FAAH2: variants seen among roughly 807,000 people sequenced by gnomAD.
FAAH2 encodes the protein fatty acid amide hydrolase 2.
In FAAH2, 60 loss-of-function variants were observed where a neutral mutation model predicts 36.9. The observed-to-expected ratio is 1.63, with a 90% CI of 1.32 to 2.02. The LOEUF is 2.02. Ranked by LOEUF, FAAH2 falls within the 30% of genes most tolerant of loss-of-function variation. The pLI, the probability that FAAH2 is intolerant of heterozygous loss-of-function variation, is 0.00. For missense variants in FAAH2, 689 were observed against 397.5 expected (o/e 1.73, Z -6.23); for synonymous variants, 214 against 143.8 (o/e 1.49, Z -3.49).
Position 57,331,786 on chromosome X carries a change from C to CAT in FAAH2, c.604_605dup (p.Val203LeufsTer2), listed in dbSNP as rs1248338715. ...ATCAAACAACCCATATGATTTACAG[C>CAT]ATATTGTAGGTGGAAGTTCTGGTGA... On this transcript the variant is annotated frameshift_variant, in exon 4 of 11. Transcript: ENST00000374900. LOFTEE classifies it high-confidence loss of function. 8.3e-7 allele frequency: 1 copy of CAT among 1,211,095 alleles called. No individual in the cohort carries two copies. Among genetic ancestry groups the CAT allele is most frequent in the East Asian group, 3.0e-5 (1 of 33,813 alleles).
the FAAH2 span, among the ~76,000 whole-genome samples, chrX:57,205,671 G>A: frequency 8.0e-5 from 9 of 112,111 alleles, no homozygotes; most frequent in Non-Finnish European, 1.5e-4. Flanking sequence ...ACCATTACTA[G>A]ACCCATCTGT....
At chrX:57,322,414 C>T (rs1488076040) in intron 3 of FAAH2, among the ~76,000 whole-genome samples, 1 of 111,741 alleles carries the variant, frequency 8.9e-6, no homozygotes. Context: ...TACCCTTTCT[C>T]TCTAGCCTTT....
chrX:57,428,595 A>C (rs2056218131), intron 7 of FAAH2, among the ~76,000 whole-genome samples: 1 of 112,179 alleles, frequency 8.9e-6, no homozygotes, highest in South Asian at 3.7e-4. Context: ...CCACATAACT[A>C]CAGCCAACTG....
At chrX:57,310,794 T>A (rs1175916732) in intron 3 of FAAH2, 65 bp downstream of exon 3, 1 of 1,091,352 alleles carries the variant, frequency 9.2e-7, no homozygotes, top group Admixed American at 2.8e-5. Flanking sequence ...TCTAAACTTA[T>A]AAACTAAAAA....
the FAAH2 span, among the ~76,000 whole-genome samples, chrX:57,154,482 A>C: frequency 9.2e-6 from 1 of 108,943 alleles, no homozygotes; most frequent in Admixed American, 9.9e-5. Context: ...CATGTTGGCC[A>C]GGCTGGTCTC....
chrX:57,417,624 T>C (rs1391843534), intron 7 of FAAH2, among the ~76,000 whole-genome samples: 1 of 111,583 alleles, frequency 9.0e-6, no homozygotes, highest in Non-Finnish European at 1.9e-5. Flanking sequence ...CGGGGCAACT[T>C]CCAGATGCCA....
chrX:57,390,977 G>A (rs188456577), intron 7 of FAAH2, among the ~76,000 whole-genome samples: 9 of 110,752 alleles, frequency 8.1e-5, no homozygotes, highest in South Asian at 3.8e-4. Flanking sequence ...CTGCATTCTC[G>A]CCAACAACTG....
chrX:57,163,717 G>A, the FAAH2 span, among the ~76,000 whole-genome samples: 2 of 111,970 alleles, frequency 1.8e-5, no homozygotes, highest in Admixed American at 9.4e-5. Flanking sequence ...GCCCTGCTTC[G>A]GCTCGCACAC....
intron 7 of FAAH2, among the ~76,000 whole-genome samples, chrX:57,383,870 A>T (rs983917935): frequency 5.4e-5 from 6 of 111,981 alleles, no homozygotes; most frequent in Admixed American, 9.5e-5. Flanking sequence ...TGCCAAGTCA[A>T]TCCTAAACCA....
chrX:57,258,655 TCCACGGAAAACTTA>T, the FAAH2 span, among the ~76,000 whole-genome samples: 1 of 110,377 alleles, frequency 9.1e-6, no homozygotes. Context: ...TTGCCATTCT[TCCACGGAAAACTTA>T]CCAACGATGA....
intron 5 of FAAH2, among the ~76,000 whole-genome samples, chrX:57,357,464 C>T (rs983398556): frequency 4.5e-5 from 5 of 111,489 alleles, no homozygotes; most frequent in East Asian, 2.8e-4. Context: ...CCAGAATCTA[C>T]AAGAAACTTA....
At chrX:57,335,417 A>G (rs1320303411) in intron 4 of FAAH2, among the ~76,000 whole-genome samples, 1 of 112,418 alleles carries the variant, frequency 8.9e-6, no homozygotes, top group East Asian at 2.8e-4. Context: ...AAACACGTGA[A>G]CAAATGTCTC....
intron 5 of FAAH2, among the ~76,000 whole-genome samples, chrX:57,343,732 T>A (rs762331804): frequency 9.8e-5 from 11 of 111,763 alleles, no homozygotes; most frequent in Non-Finnish European, 1.9e-4. Context: ...TCCTCTAGCA[T>A]TTTTATAGGT....
chrX:57,192,000 T>G, the FAAH2 span, among the ~76,000 whole-genome samples: 1 of 112,004 alleles, frequency 8.9e-6, no homozygotes, highest in Non-Finnish European at 1.9e-5. Context: ...TTTTTCTATT[T>G]CTGTGAAGAA....
the FAAH2 span, among the ~76,000 whole-genome samples, chrX:57,235,539 C>G: frequency 8.9e-6 from 1 of 111,840 alleles, no homozygotes; most frequent in Admixed American, 9.4e-5. Flanking sequence ...AATTTCTTTT[C>G]ACACATATGG....
chrX:57,230,109 A>G, the FAAH2 span, among the ~76,000 whole-genome samples: 2 of 111,900 alleles, frequency 1.8e-5, no homozygotes, highest in Admixed American at 1.9e-4. Flanking sequence ...TTGTGAATTC[A>G]TGGAGACTCC....
At chrX:57,366,160 C>T (rs763429544) in intron 5 of FAAH2, among the ~76,000 whole-genome samples, 2 of 111,245 alleles carry the variant, frequency 1.8e-5, no homozygotes, top group African/African-American at 3.3e-5. Context: ...TTCTTTTTTC[C>T]ATCTGTGTGG....
chrX:57,265,644 C>T, the FAAH2 span, among the ~76,000 whole-genome samples: 1 of 112,017 alleles, frequency 8.9e-6, no homozygotes, highest in East Asian at 2.8e-4. Context: ...CCAACCAAGG[C>T]CTGCAGCCCC....
chrX:57,301,075 C>G (rs1216562712), intron 2 of FAAH2, among the ~76,000 whole-genome samples: 2 of 109,238 alleles, frequency 1.8e-5, no homozygotes, highest in Non-Finnish European at 3.8e-5. Flanking sequence ...GGATCTAGAA[C>G]TAGAAATACC....
Sources: allele counts gnomAD v4.1 joint callset (sites outside exome capture counted in the v4.1 genomes callset), GRCh38; gene constraint gnomAD v4.1.1; transcripts MANE v1.5; gene names NCBI Gene and HGNC (gene_info 2026-07-23, HGNC 2026-07-21).